The following FAM53B variants were observed in gnomAD, a reference collection of about 807,000 sequenced individuals.
FAM53B encodes protein FAM53B.
In FAM53B, 12 loss-of-function variants were observed where a neutral mutation model predicts 32.7. The observed-to-expected ratio is 0.37, with a 90% CI of 0.24 to 0.59. The LOEUF is 0.59. Among genes scored for constraint, FAM53B ranks in the 20% least tolerant of loss-of-function variants. The pLI is 0.72. For synonymous variants in FAM53B, 234 were observed against 228.7 expected (o/e 1.02, Z -0.21); for missense variants, 477 against 577.7 (o/e 0.83, Z 1.79).
At chr10:124,669,498 C>A (rs967976052) in intron 4 of FAM53B, among the ~76,000 whole-genome samples, 2 of 152,206 alleles carry the variant, frequency 1.3e-5, no homozygotes, top group Non-Finnish European at 2.9e-5. Context: ...TTCACTGATC[C>A]ATCAGGTGAT....
At chr10:124,699,685 T>C (rs1949901341) in intron 2 of FAM53B, among the ~76,000 whole-genome samples, 3 of 152,206 alleles carry the variant, frequency 2.0e-5, no homozygotes, top group South Asian at 2.1e-4. Flanking sequence ...CACTGGATCA[T>C]GTCTTAGTGG....
At chr10:124,678,323 A>G (rs1949749309) in intron 4 of FAM53B, among the ~76,000 whole-genome samples, 1 of 152,190 alleles carries the variant, frequency 6.6e-6, no homozygotes, top group Non-Finnish European at 1.5e-5. Context: ...ATACAGATAC[A>G]CACACACGCA....
chr10:124,672,680 G>A (rs1226194966), intron 4 of FAM53B, among the ~76,000 whole-genome samples: 1 of 152,226 alleles, frequency 6.6e-6, no homozygotes, highest in African/African-American at 2.4e-5. Flanking sequence ...AGAATGCGCA[G>A]CCACTTTCAA....
At position 124,620,355 on chromosome 10, in the gene FAM53B, G is replaced by GCCCCCCCCCCCCCC. The variant is rs57254391; in HGVS notation, c.*2886_*2887insGGGGGGGGGGGGGG. 8 of 130,780 alleles carry GCCCCCCCCCCCCCC rather than the reference G, an allele frequency of 6.1e-5. No homozygotes were observed. Among genetic ancestry groups the GCCCCCCCCCCCCCC allele is most frequent in the African/African-American group, 1.2e-4 (4 of 34,024 alleles). 8.1% of individuals were successfully genotyped at this position (130,780 alleles called of 1,614,324 possible). On this transcript the variant is annotated 3_prime_UTR_variant, in exon 5 of 5. Coordinates refer to ENST00000337318, the MANE Select transcript of FAM53B (RefSeq NM_014661.4). ...ATGAGTGGGGTGCATGTGGCACTAAGCCCCCCCCACCGCCCCGGCTTTCCT... is the reference window on the plus strand; with the variant it reads ...ATGAGTGGGGTGCATGTGGCACTAAGCCCCCCCCCCCCCCCCCCCCCCACCGCCCCGGCTTTCCT...
chr10:124,634,790 G>A (rs907684516), intron 4 of FAM53B, among the ~76,000 whole-genome samples: 6 of 152,220 alleles, frequency 3.9e-5, no homozygotes, highest in African/African-American at 1.4e-4. Context: ...AGGGGACGGG[G>A]AGTGACTGCT....
chr10:124,725,757 A>G (rs757885394), intron 1 of FAM53B, among the ~76,000 whole-genome samples: 13 of 152,246 alleles, frequency 8.5e-5, no homozygotes, highest in Non-Finnish European at 1.5e-4. Context: ...TGTGTCTCCA[A>G]CTATCACGGT....
At position 124,619,655 on chromosome 10, in the gene FAM53B, T is replaced by TA. The variant is rs3832700; in HGVS notation, c.*3586dup. ...CAAGATCTCCACTTCGGTCTGCCAT[T>TA]AAAAAAAAAAAAAATCTTTCTCTTC... On this transcript the variant is annotated 3_prime_UTR_variant, in exon 5 of 5. Coordinates refer to ENST00000337318, the MANE Select transcript of FAM53B (RefSeq NM_014661.4). The TA allele has an allele frequency of 5.4e-3, 796 of 146,466 alleles. 5 individuals are homozygous for TA. The highest frequency in any genetic ancestry group is 0.026 in the South Asian group (120 of 4,638). The allele number at this position is 146,466 out of a possible 1,614,324, so 9.1% of individuals were successfully genotyped here.
chr10:124,737,456 A>G (rs997640243), intron 1 of FAM53B, among the ~76,000 whole-genome samples: 1 of 152,190 alleles, frequency 6.6e-6, no homozygotes, highest in African/African-American at 2.4e-5. Context: ...GATCAAGTTC[A>G]CCTGCTGGTC....
intron 1 of FAM53B, among the ~76,000 whole-genome samples, chr10:124,738,577 C>T (rs1394999631): frequency 6.6e-6 from 1 of 151,966 alleles, no homozygotes; most frequent in African/African-American, 2.4e-5. Flanking sequence ...ACTCACACCC[C>T]CCCGAGAAGC....
At chr10:124,692,250 A>G (rs947516132) in intron 3 of FAM53B, among the ~76,000 whole-genome samples, 2 of 151,980 alleles carry the variant, frequency 1.3e-5, no homozygotes, top group Non-Finnish European at 2.9e-5. Flanking sequence ...TGCTTCTCCC[A>G]CCCACGCTTC....
chr10:124,690,208 C>G (rs779672892), intron 3 of FAM53B, among the ~76,000 whole-genome samples: 1 of 152,258 alleles, frequency 6.6e-6, no homozygotes, highest in Non-Finnish European at 1.5e-5. Flanking sequence ...TCAGCTAACA[C>G]TCCAATAGGG....
chr10:124,693,473 A>C (rs1949848762), intron 3 of FAM53B, among the ~76,000 whole-genome samples: 2 of 151,764 alleles, frequency 1.3e-5, no homozygotes, highest in South Asian at 4.1e-4. Context: ...TCTCAAAAAA[A>C]AAAAAAAAAG....
intron 3 of FAM53B, among the ~76,000 whole-genome samples, chr10:124,694,877 T>C (rs1289996485): frequency 3.3e-5 from 5 of 152,198 alleles, no homozygotes; most frequent in African/African-American, 1.2e-4. Flanking sequence ...CCCAGAGCCA[T>C]GGCAGGTGGT....
rs3740537 is a variant in FAM53B, at chr10:124,621,473, G to A, written c.*1769C>T. On this transcript the variant is annotated 3_prime_UTR_variant, in exon 5 of 5. Coordinates refer to ENST00000337318, the MANE Select transcript of FAM53B (RefSeq NM_014661.4). Reference sequence around the variant, plus strand: ...GCAACCAGAGGTGAGCTGGTTCCCCGGCTCTGGGACCTGCCCAGTGCCCGG... The same window carrying A: ...GCAACCAGAGGTGAGCTGGTTCCCCAGCTCTGGGACCTGCCCAGTGCCCGG... 11,866 of 152,240 alleles carry A rather than the reference G, an allele frequency of 0.078. 586 individuals carry two copies. Among genetic ancestry groups the A allele is most frequent in the East Asian group, 0.22 (1,113 of 5,148 alleles). The allele number at this position is 152,240 out of a possible 1,614,324, so 9.4% of individuals were successfully genotyped here.
At chr10:124,684,503 A>G (rs1949791119) in intron 3 of FAM53B, among the ~76,000 whole-genome samples, 1 of 152,192 alleles carries the variant, frequency 6.6e-6, no homozygotes, top group African/African-American at 2.4e-5. Context: ...TGAAAGTCCA[A>G]TAAACTAATA....
intron 4 of FAM53B, among the ~76,000 whole-genome samples, chr10:124,645,942 C>G (rs906327660): frequency 2.0e-5 from 3 of 152,164 alleles, no homozygotes; most frequent in Non-Finnish European, 2.9e-5. Context: ...GCTGAGTGGG[C>G]ACCGAGAAGG....
chr10:124,644,763 T>A (rs1238828819), intron 4 of FAM53B, among the ~76,000 whole-genome samples: 1 of 151,126 alleles, frequency 6.6e-6, no homozygotes, highest in African/African-American at 2.4e-5. Context: ...GGGATGGGCA[T>A]GGGGGAGGGA....
At chr10:124,632,178 G>A (rs980977728) in intron 4 of FAM53B, among the ~76,000 whole-genome samples, 8 of 152,222 alleles carry the variant, frequency 5.3e-5, no homozygotes, top group East Asian at 1.9e-4. Flanking sequence ...CGGTGGCGAC[G>A]TTTCTGCACC....
intron 4 of FAM53B, among the ~76,000 whole-genome samples, chr10:124,656,478 T>G (rs1949589957): frequency 6.6e-6 from 1 of 152,152 alleles, no homozygotes; most frequent in Admixed American, 6.5e-5. Flanking sequence ...ACCAAACTAA[T>G]AGTAGGGCAC....
Sources: gnomAD v4.1 joint callset for allele counts (sites outside exome capture counted in the v4.1 genomes callset) on GRCh38, gnomAD v4.1.1 for gene constraint, MANE v1.5 for transcripts, NCBI Gene and HGNC (gene_info 2026-07-23, HGNC 2026-07-21) for gene names.